UBN1: variants seen among roughly 807,000 people sequenced by gnomAD.
UBN1 encodes the protein ubinuclein-1.
UBN1 carries 17 observed loss-of-function variants against 108.5 expected under a neutral mutation model. That is an observed-to-expected ratio of 0.16 (90% CI 0.11 to 0.24). UBN1 has a LOEUF of 0.24. Ranked by LOEUF, UBN1 falls within the 10% of genes least tolerant of loss-of-function variation. The pLI, the probability that UBN1 is intolerant of heterozygous loss-of-function variation, is 1.00. For synonymous variants in UBN1, 726 were observed against 564.2 expected, an observed-to-expected ratio of 1.29 and a Z score of -4.07; for missense variants, 1,595 against 1,394.4, an observed-to-expected ratio of 1.14 and a Z score of -2.29.
chr16:4,855,917 C>G (rs942737087), intron 2 of UBN1, among the ~76,000 whole-genome samples: 1 of 152,020 alleles, frequency 6.6e-6, no homozygotes, highest in South Asian at 2.1e-4. Flanking sequence ...TCCATCTCCC[C>G]CTACCAAAAA....
intron 1 of UBN1, chr16:4,852,268 T>C (rs1389284074): frequency 6.6e-6 from 1 of 152,240 alleles, no homozygotes; most frequent in Admixed American, 6.5e-5. Context: ...CATTCCCAAG[T>C]GATTTTGAAG....
chr16:4,862,586 T>G (rs890002121), intron 7 of UBN1, among the ~76,000 whole-genome samples: 2 of 152,248 alleles, frequency 1.3e-5, no homozygotes, highest in African/African-American at 4.8e-5. Flanking sequence ...TCAAATTGTT[T>G]CTTAGCTTCT....
At position 4,875,153 on chromosome 16, in the gene UBN1, T is replaced by G; in HGVS notation, c.2743T>G (p.Ser915Ala). ...CTCAATCTCCAAACATGGGGTTTCTTCTGGCAGCTCTTCCTCGGGAGGAAC... is the reference window on the plus strand; with the variant it reads ...CTCAATCTCCAAACATGGGGTTTCTGCTGGCAGCTCTTCCTCGGGAGGAAC... ...ASSISKHGVS[S>A]GSSSSGGTPV... The change falls in exon 15 of 18, where the codon TCT becomes GCT. Residue 915 changes from serine to alanine, a missense_variant. By Grantham distance (99) the Ser-to-Ala change is moderately conservative. This residue lies in a region of UBN1 where 1,398 missense variants were observed against 1,194.7 expected (regional missense o/e 1.17). Coordinates refer to ENST00000262376, the MANE Select transcript of UBN1 (RefSeq NM_001079514.3). 1 of 1,614,238 alleles carries G rather than the reference T, an allele frequency of 6.2e-7. No homozygotes were observed. The highest frequency in any genetic ancestry group is 8.5e-7 in the Non-Finnish European group (1 of 1,180,040).
Position 4,874,425 on chromosome 16 carries a change from C to T in UBN1, c.2015C>T (p.Ser672Leu), listed in dbSNP as rs537081004. Reference protein sequence around the residue: ...DEDLIRNPASSVEAVSKELAA... With the variant: ...DEDLIRNPASLVEAVSKELAA... ...GACTTGATCCGCAATCCAGCCTCCT[C>T]GGTGGAAGCCGTGTCCAAGGAATTG... Residue 672 changes from serine to leucine, a missense_variant, in exon 15 of 18, where the codon TCG becomes TTG. By Grantham distance (145) the Ser-to-Leu change is moderately radical (BLOSUM62 -2). Transcript: ENST00000262376. The T allele has an allele frequency of 2.2e-5, 36 of 1,613,990 alleles. No homozygotes were observed. Among genetic ancestry groups the T allele is most frequent in the Admixed American group, 3.3e-5 (2 of 60,020 alleles).
At chr16:4,854,135 G>A (rs2086683728) in intron 2 of UBN1, among the ~76,000 whole-genome samples, 1 of 150,730 alleles carries the variant, frequency 6.6e-6, no homozygotes, top group South Asian at 2.1e-4. Flanking sequence ...CCGGGTTCAC[G>A]CCATTCTCCT....
chr16:4,852,898 G>A lies in UBN1; in HGVS notation c.-20G>A, dbSNP rs199742169. ...TAACAGAAGCCATGCAGTGACACCC[G>A]CTAAGACTTGTTGGTAGCCATGTCG... is the stretch of plus-strand genomic sequence containing the variant. On this transcript the variant is annotated 5_prime_UTR_variant, in exon 2 of 18. Transcript: ENST00000262376. 5.0e-6 allele frequency: 8 copies of A among 1,608,658 alleles called. No individual in the cohort carries two copies. The Admixed American group carries it at 5.0e-5, about 10-fold the overall frequency.
At chr16:4,854,255 G>C (rs1045653760) in intron 2 of UBN1, among the ~76,000 whole-genome samples, 26 of 151,508 alleles carry the variant, frequency 1.7e-4, no homozygotes, top group Non-Finnish European at 1.0e-4. Flanking sequence ...GGGTGGTCTC[G>C]ATCTCCTGAC....
At chr16:4,855,263 C>G (rs945007379) in intron 2 of UBN1, among the ~76,000 whole-genome samples, 13 of 152,120 alleles carry the variant, frequency 8.5e-5, no homozygotes, top group Admixed American at 3.3e-4. Flanking sequence ...CACAGGTGTG[C>G]TGTTCGGAGG....
At chr16:4,876,830 C>T (rs750361612) in intron 15 of UBN1, 41 bp from the exon 16 acceptor site, 338 of 1,533,942 alleles carry the variant, frequency 2.2e-4, no homozygotes, top group Non-Finnish European at 2.9e-4. Flanking sequence ...GAGCCACGAA[C>T]AGGACTGGAG....
chr16:4,867,622 A>AG, intron 7 of UBN1, among the ~76,000 whole-genome samples: 1 of 152,246 alleles, frequency 6.6e-6, no homozygotes, highest in Admixed American at 6.5e-5. Flanking sequence ...TGAAGCCCTG[A>AG]GGGGGAAAGA....
At chr16:4,878,237 G>T (rs2087973267) in intron 17 of UBN1, among the ~76,000 whole-genome samples, 1 of 152,112 alleles carries the variant, frequency 6.6e-6, no homozygotes, top group Admixed American at 6.5e-5. Flanking sequence ...TGGAATTCTG[G>T]CATGGGAAGT....
At chr16:4,878,235 T>C (rs2087973176) in intron 17 of UBN1, among the ~76,000 whole-genome samples, 1 of 152,168 alleles carries the variant, frequency 6.6e-6, no homozygotes, top group Non-Finnish European at 1.5e-5. Context: ...CCTGGAATTC[T>C]GGCATGGGAA....
intron 8 of UBN1, among the ~76,000 whole-genome samples, chr16:4,869,878 C>T (rs917730721): frequency 1.6e-4 from 24 of 152,258 alleles, no homozygotes; most frequent in Non-Finnish European, 2.6e-4. Flanking sequence ...CCTTTGAACC[C>T]CAAGTAACTC....
intron 2 of UBN1, 50 bp from the exon 3 acceptor site, chr16:4,857,940 A>G (rs2086888046): frequency 1.4e-6 from 2 of 1,383,208 alleles, no homozygotes; most frequent in South Asian, 2.4e-5. Context: ...TATGAATAAG[A>G]ACATGGGAAT....
Position 4,876,505 on chromosome 16 carries a change from A to G in UBN1, c.3025-366A>G, listed in dbSNP as rs80151316. ...TATCCATGAACATTTATGGATATCT[A>G]TATTACATTTTTCCCTTCACAAAGG... On this transcript the variant is annotated intron_variant, in intron 15 of 17. Transcript: ENST00000262376. 1.3e-3 allele frequency among the ~76,000 whole-genome samples: 202 copies of G among 151,934 alleles called. 1 individual carries two copies. Among genetic ancestry groups the G allele is most frequent in the African/African-American group, 4.5e-3 (186 of 41,458 alleles).
At chr16:4,852,779 C>G in intron 1 of UBN1, 100 bp from the exon 2 acceptor site, 1 of 1,233,694 alleles carries the variant, frequency 8.1e-7, no homozygotes, top group Non-Finnish European at 1.1e-6. Context: ...ATGGAGTTTT[C>G]TTGACAATGA....
Position 4,859,124 on chromosome 16 carries a change from G to T in UBN1, c.532G>T (p.Asp178Tyr). The T allele has an allele frequency of 6.2e-7, 1 of 1,613,998 alleles. No individual in the cohort carries two copies. The highest frequency in any genetic ancestry group is 1.1e-5 in the South Asian group (1 of 91,046). Residue 178 changes from aspartate (D) to tyrosine (Y), a missense_variant, in exon 5 of 18, where the codon GAC (aspartate) becomes TAC (tyrosine). By Grantham distance (160) the Asp-to-Tyr change is radical (BLOSUM62 -3). Transcript: ENST00000262376. ...QFRQASESED[D>Y]FIKEKKKKSP... is the part of the protein sequence containing the mutation. ...TAGACAAGCATCAGAGTCTGAAGAT[G>T]ACTTCATTAAAGAAAAGAAGAAAAA...
intron 7 of UBN1, among the ~76,000 whole-genome samples, chr16:4,864,520 C>A (rs1209502509): frequency 1.3e-5 from 2 of 152,114 alleles, no homozygotes; most frequent in Admixed American, 1.3e-4. Context: ...TTTGTATAGG[C>A]CCCAGGGAAT....
chr16:4,880,156 A>C lies in UBN1; in HGVS notation c.*24A>C. ...GACCGCTTCAGAGGCAAGGCTTGCC[A>C]CTTGGGTCTGGGTGGAATCAGAACG... On this transcript the variant is annotated 3_prime_UTR_variant, in exon 18 of 18. Transcript: ENST00000262376. 6.2e-7 allele frequency: 1 copy of C among 1,613,468 alleles called. No individual in the cohort carries two copies. The highest frequency in any genetic ancestry group is 1.1e-5 in the South Asian group (1 of 91,038).
Sources: gnomAD v4.1 joint callset for allele counts (sites outside exome capture counted in the v4.1 genomes callset) on GRCh38, gnomAD v4.1.1 for gene constraint, gnomAD v4.1.1 regional missense constraint, MANE v1.5 for transcripts, NCBI Gene and HGNC (gene_info 2026-07-23, HGNC 2026-07-21) for gene names.